The following NUP93 variants were observed in gnomAD, a reference collection of about 807,000 sequenced individuals.
The protein encoded by NUP93 is nuclear pore complex protein Nup93.
Under a neutral mutation model 107.8 loss-of-function variants are expected in NUP93, and 55 were observed. The ratio of observed to expected loss-of-function variants is 0.51; its 90% CI spans 0.41 to 0.64. NUP93 has a LOEUF of 0.64. NUP93 is among the 30% of genes least tolerant of loss of function. The probability of loss-of-function intolerance (pLI) is 0.00; values close to 1 mark genes in which losing one functional copy is unlikely to be tolerated. For missense variants in NUP93, 937 were observed against 1,044.7 expected (o/e 0.90, Z 1.42); for synonymous variants, 390 against 397.5 (o/e 0.98, Z 0.22).
chr16:56,768,858 C>T (rs1426006260), intron 3 of NUP93, among the ~76,000 whole-genome samples: 1 of 109,288 alleles, frequency 9.2e-6, no homozygotes, highest in Non-Finnish European at 1.8e-5. Flanking sequence ...CAGAGCAAGA[C>T]TCTGTCTCAA....
rs1188027635 is a variant in NUP93, at chr16:56,827,044, C to CAAA, written c.795-1910_795-1908dup. Among the ~76,000 whole-genome samples, 394 of 53,580 alleles carry CAAA rather than the reference C, an allele frequency of 7.4e-3. 22 individuals carry two copies. Among genetic ancestry groups the CAAA allele is most frequent in the Non-Finnish European group, 0.01 (287 of 27,818 alleles). The allele number at this position is 53,580 out of a possible 152,430, so 35.2% of individuals were successfully genotyped here. On this transcript the variant is annotated intron_variant, in intron 8 of 21. Transcript: ENST00000308159. Reference sequence around the variant, plus strand: ...CTGGGGATGGAATGAGACTCCGTCTCAAAAAAAAAAAAAAAAAAAAAAAAA... The same window carrying CAAA: ...CTGGGGATGGAATGAGACTCCGTCTCAAAAAAAAAAAAAAAAAAAAAAAAAAAA...
In NUP93 at chr16:56,848,927, T is replaced by G. The variant is rs1964146287; in HGVS notation, c.*4318T>G. 6.6e-6 allele frequency: 1 copy of G among 151,852 alleles called. No homozygotes were observed. The highest frequency in any genetic ancestry group is 2.4e-5 in the African/African-American group (1 of 41,442). 9.4% of individuals were successfully genotyped at this position (151,852 alleles called of 1,614,324 possible). On this transcript the variant is annotated 3_prime_UTR_variant, in exon 22 of 22. Coordinates refer to ENST00000308159, the MANE Select transcript of NUP93 (RefSeq NM_014669.5). The stretch of plus-strand genomic sequence containing the variant: ...CAGGATCACCTAAGTGAAGTACTCG[T>G]GGTTCTAAGTTGCTAACCCAGGGAA...
chr16:56,830,448 G>A, intron 9 of NUP93, 80 bp from the exon 10 acceptor site: 1 of 1,347,728 alleles, frequency 7.4e-7, no homozygotes, highest in Non-Finnish European at 1.0e-6. Context: ...AAAGGAGAGG[G>A]GCTTAGCTCG....
intron 3 of NUP93, chr16:56,783,992 C>G: frequency 1.6e-6 from 1 of 627,680 alleles, no homozygotes; most frequent in Non-Finnish European, 2.0e-6. Context: ...AGAGGTTCTG[C>G]GTTACACTGG....
intron 3 of NUP93, among the ~76,000 whole-genome samples, chr16:56,765,442 T>G (rs1042968967): frequency 8.5e-5 from 13 of 152,214 alleles, no homozygotes; most frequent in African/African-American, 3.1e-4. Context: ...AAACAACCTA[T>G]AGTTAATGCT....
At chr16:56,774,123 G>A (rs1596788493) in intron 3 of NUP93, among the ~76,000 whole-genome samples, 1 of 152,144 alleles carries the variant, frequency 6.6e-6, no homozygotes, top group East Asian at 1.9e-4. Context: ...GGAGACATGG[G>A]AAAGGGAAGT....
At chr16:56,789,266 T>C (rs1169323177) in intron 3 of NUP93, among the ~76,000 whole-genome samples, 2 of 152,242 alleles carry the variant, frequency 1.3e-5, no homozygotes, top group African/African-American at 4.8e-5. Context: ...GTGCCATGTG[T>C]TGTCAGGTTT....
At chr16:56,798,596 G>C in intron 4 of NUP93, 58 bp downstream of exon 4, 2 of 1,377,828 alleles carry the variant, frequency 1.5e-6, no homozygotes, top group East Asian at 2.3e-5. Flanking sequence ...GGCTGGGCGT[G>C]GTGGCTCACA....
At chr16:56,810,946 A>G (rs1422470284) in intron 5 of NUP93, among the ~76,000 whole-genome samples, 1 of 152,184 alleles carries the variant, frequency 6.6e-6, no homozygotes, top group Non-Finnish European at 1.5e-5. Context: ...AACCTTTTGT[A>G]TATTATTGCA....
At chr16:56,778,971 T>C (rs1962464958) in intron 3 of NUP93, among the ~76,000 whole-genome samples, 1 of 152,120 alleles carries the variant, frequency 6.6e-6, no homozygotes, top group Admixed American at 6.5e-5. Context: ...AGGAGGTTGG[T>C]AGTGGTGGGG....
chr16:56,730,533 C>G (rs1961516346), intron 1 of NUP93, among the ~76,000 whole-genome samples: 1 of 152,136 alleles, frequency 6.6e-6, no homozygotes, highest in African/African-American at 2.4e-5. Flanking sequence ...TCGTGCCCCG[C>G]GAGCCCACCC....
intron 14 of NUP93, 57 bp downstream of exon 14, chr16:56,834,311 A>C (rs1963865488): frequency 6.2e-7 from 1 of 1,613,444 alleles, no homozygotes; most frequent in African/African-American, 1.3e-5. Flanking sequence ...CCATTCTGAG[A>C]ATGACTATTA....
At chr16:56,834,041 G>A (rs562363960) in intron 13 of NUP93, 87 bp from the exon 14 acceptor site, 1 of 1,573,736 alleles carries the variant, frequency 6.4e-7, no homozygotes, top group Non-Finnish European at 8.7e-7. Context: ...ATGCTGCTGG[G>A]TCTGTGGATT....
chr16:56,838,280 CA>C (rs1266364844), intron 18 of NUP93, among the ~76,000 whole-genome samples: 15 of 152,026 alleles, frequency 9.9e-5, no homozygotes, highest in Non-Finnish European at 8.8e-5. Context: ...CCCGGGGTAA[CA>C]AAAAAGAACA....
intron 4 of NUP93, among the ~76,000 whole-genome samples, chr16:56,798,996 TGAG>T (rs1962962641): frequency 6.6e-6 from 1 of 152,170 alleles, no homozygotes; most frequent in African/African-American, 2.4e-5. Context: ...AACCATTTTT[TGAG>T]GAGAATACCA....
intron 1 of NUP93, among the ~76,000 whole-genome samples, chr16:56,745,853 A>G (rs1338933528): frequency 6.6e-6 from 1 of 152,260 alleles, no homozygotes; most frequent in Non-Finnish European, 1.5e-5. Flanking sequence ...AATCTTTATT[A>G]GACCATGTTA....
At chr16:56,839,147 T>A in intron 19 of NUP93, 78 bp downstream of exon 19, 1 of 975,206 alleles carries the variant, frequency 1.0e-6, no homozygotes, top group Non-Finnish European at 1.6e-6. Flanking sequence ...GGAATTTACT[T>A]AAAACAAAGG....
chr16:56,782,323 A>T (rs1694552541), intron 3 of NUP93: 2 of 555,130 alleles, frequency 3.6e-6, no homozygotes, highest in Admixed American at 1.3e-4. Context: ...GGTTTGTTTG[A>T]AAATTTGAGA....
chr16:56,827,539 A>G (rs1963693844), intron 8 of NUP93, among the ~76,000 whole-genome samples: 1 of 152,254 alleles, frequency 6.6e-6, no homozygotes, highest in South Asian at 2.1e-4. Context: ...CAAGTGAATC[A>G]TATCTAGTGT....
Sources: gnomAD v4.1 joint callset for allele counts (sites outside exome capture counted in the v4.1 genomes callset) on GRCh38, gnomAD v4.1.1 for gene constraint, MANE v1.5 for transcripts, NCBI Gene and HGNC (gene_info 2026-07-23, HGNC 2026-07-21) for gene names.